Variants in GPHN observed in about 807,000 individuals in gnomAD.
GPHN encodes gephyrin.
In GPHN, 17 loss-of-function variants were observed where a neutral mutation model predicts 95.5. That is an observed-to-expected ratio of 0.18 (90% confidence interval 0.12 to 0.27). The LOEUF is 0.27. GPHN is among the 10% of genes least tolerant of loss of function. The probability of loss-of-function intolerance (pLI) is 1.00; values close to 1 mark genes in which losing one functional copy is unlikely to be tolerated. For missense variants in GPHN, 660 were observed against 978.1 expected (o/e 0.67, Z 4.34); for synonymous variants, 320 against 322.5 (o/e 0.99, Z 0.08).
At chr14:67,663,295 C>T in the GPHN span, 1 of 741,484 alleles carries the variant, frequency 1.3e-6, no homozygotes, top group Non-Finnish European at 2.1e-6. Context: ...GGTTTTCCAT[C>T]TAAAATATGA....
chr14:67,648,187 T>C, the GPHN span: 73 of 1,611,414 alleles, frequency 4.5e-5, no homozygotes, highest in Non-Finnish European at 6.1e-5. Flanking sequence ...AATACAGGTA[T>C]GTAGCAACCA....
At chr14:67,015,389 G>T (rs1388700267) in intron 9 of GPHN, among the ~76,000 whole-genome samples, 1 of 152,060 alleles carries the variant, frequency 6.6e-6, no homozygotes, top group Non-Finnish European at 1.5e-5. Context: ...ATTCTCTTAT[G>T]TTGTACATAG....
At chr14:66,799,550 A>G (rs2060271823) in intron 3 of GPHN, among the ~76,000 whole-genome samples, 1 of 152,016 alleles carries the variant, frequency 6.6e-6, no homozygotes, top group Non-Finnish European at 1.5e-5. Flanking sequence ...TGACTTGTTT[A>G]TCATTATATA....
chr14:67,003,382 A>T (rs1025890647), intron 9 of GPHN, among the ~76,000 whole-genome samples: 21 of 151,720 alleles, frequency 1.4e-4, no homozygotes, highest in Non-Finnish European at 2.7e-4. Flanking sequence ...TTAAATTGAC[A>T]TATATGGATT....
chr14:66,722,447 T>TTGTC (rs1227737865), intron 2 of GPHN, among the ~76,000 whole-genome samples: 1 of 151,206 alleles, frequency 6.6e-6, no homozygotes, highest in African/African-American at 2.5e-5. Flanking sequence ...GTTTGTTTGT[T>TTGTC]TTTTGTTTTT....
chr14:67,279,548 A>G, the GPHN span: 1 of 1,518,064 alleles, frequency 6.6e-7, no homozygotes, highest in Non-Finnish European at 8.8e-7. Flanking sequence ...GTAAGTAAAA[A>G]TAGAGGTATA....
chr14:67,382,663 G>A, the GPHN span: 2 of 1,545,576 alleles, frequency 1.3e-6, no homozygotes, highest in Non-Finnish European at 1.8e-6. Flanking sequence ...GTAAATAAGA[G>A]CTGTCGGCCT....
At chr14:67,594,541 G>A in the GPHN span, among the ~76,000 whole-genome samples, 21 of 152,134 alleles carry the variant, frequency 1.4e-4, no homozygotes, top group African/African-American at 5.1e-4. Context: ...CAGCTACTCT[G>A]GAGGCTGAGG....
At chr14:67,177,681 TA>T (rs1408194102) in intron 21 of GPHN, among the ~76,000 whole-genome samples, 2 of 152,158 alleles carry the variant, frequency 1.3e-5, no homozygotes, top group African/African-American at 4.8e-5. Context: ...AGTGGGGTGT[TA>T]AAGTCTCCCA....
chr14:67,651,626 G>C, the GPHN span: 1 of 849,292 alleles, frequency 1.2e-6, no homozygotes, highest in Non-Finnish European at 1.8e-6. Context: ...GTACTCATAA[G>C]GTTCTTTAGC....
intron 18 of GPHN, among the ~76,000 whole-genome samples, chr14:67,149,803 C>T (rs72717306): frequency 0.044 from 6,637 of 152,178 alleles, 188 homozygotes; most frequent in Middle Eastern, 0.068. Context: ...CTTTCTACTG[C>T]GGGACACATC....
intron 1 of GPHN, among the ~76,000 whole-genome samples, chr14:66,583,197 C>G (rs2061269887): frequency 1.3e-5 from 2 of 152,022 alleles, no homozygotes; most frequent in South Asian, 4.2e-4. Context: ...TGAGAAGTGT[C>G]TGTTCATATT....
chr14:67,314,217 T>C, the GPHN span, among the ~76,000 whole-genome samples: 4 of 152,136 alleles, frequency 2.6e-5, no homozygotes, highest in African/African-American at 9.7e-5. Context: ...AAAAAAAGAC[T>C]GAGAAATATT....
At chr14:66,983,394 A>G (rs187966237) in intron 9 of GPHN, among the ~76,000 whole-genome samples, 3 of 152,290 alleles carry the variant, frequency 2.0e-5, no homozygotes, top group African/African-American at 7.2e-5. Flanking sequence ...ACTTTTCTCT[A>G]TTTCTCAAAT....
chr14:67,412,727 A>G, the GPHN span, among the ~76,000 whole-genome samples: 6 of 152,134 alleles, frequency 3.9e-5, no homozygotes, highest in African/African-American at 1.4e-4. Flanking sequence ...AGTAACCTAG[A>G]CAAATTATAT....
the GPHN span, among the ~76,000 whole-genome samples, chr14:67,232,177 A>G: frequency 2.0e-5 from 3 of 152,006 alleles, no homozygotes; most frequent in African/African-American, 7.2e-5. Flanking sequence ...GGTTTTGGAG[A>G]CTAGGTCATA....
chr14:66,534,395 T>G (rs1407493049), intron 1 of GPHN, among the ~76,000 whole-genome samples: 2 of 152,122 alleles, frequency 1.3e-5, no homozygotes, highest in Non-Finnish European at 2.9e-5. Flanking sequence ...AATGACTTCT[T>G]TCGTTTATTA....
At chr14:66,879,890 T>C (rs1348112918) in intron 4 of GPHN, 49 bp from the exon 5 acceptor site, 1 of 1,184,862 alleles carries the variant, frequency 8.4e-7, no homozygotes, top group African/African-American at 1.5e-5. Flanking sequence ...CTGACTTCAT[T>C]CTTTTTTGGC....
At chr14:67,565,505 G>C in the GPHN span, among the ~76,000 whole-genome samples, 1 of 152,106 alleles carries the variant, frequency 6.6e-6, no homozygotes, top group African/African-American at 2.4e-5. Context: ...TCAGCCATAA[G>C]AGCCACCTTA....
Sources: gnomAD v4.1 joint callset for allele counts (sites outside exome capture counted in the v4.1 genomes callset) on GRCh38, gnomAD v4.1.1 for gene constraint, MANE v1.5 for transcripts, NCBI Gene and HGNC (gene_info 2026-07-23, HGNC 2026-07-21) for gene names.